Variants in SMIM13 observed in about 807,000 individuals in gnomAD.
The protein encoded by SMIM13 is UPF0766 protein C6orf228.
A neutral mutation model predicts 5.9 loss-of-function variants in SMIM13; 3 were observed. That is an observed-to-expected ratio of 0.51 (90% CI 0.23 to 1.31). The LOEUF (loss-of-function observed/expected upper bound fraction) is 1.31, where lower values mean the gene tolerates loss of function less well. SMIM13 is among the 40% of genes most tolerant of loss of function. SMIM13 has a pLI of 0.18. For synonymous variants in SMIM13, 55 were observed against 46.0 expected (o/e 1.19, Z -0.79); for missense variants, 85 against 109.9 (o/e 0.77, Z 1.01).
intron 1 of SMIM13, among the ~76,000 whole-genome samples, chr6:11,098,212 C>T (rs919928189): frequency 1.3e-5 from 2 of 152,188 alleles, no homozygotes; most frequent in Non-Finnish European, 2.9e-5. Flanking sequence ...AGGCAGGTTT[C>T]CCTTCTGTCT....
intron 1 of SMIM13, among the ~76,000 whole-genome samples, chr6:11,126,345 G>C (rs748487325): frequency 6.6e-6 from 1 of 152,190 alleles, no homozygotes; most frequent in Non-Finnish European, 1.5e-5. Flanking sequence ...ATGGCGCCCA[G>C]CCCTGGCTGC....
rs546716080 is a variant in SMIM13, at chr6:11,132,639, G to C, written c.77-1764G>C. On this transcript the variant is annotated intron_variant, in intron 1 of 1. Transcript: ENST00000416247. ...GCTTACAACACAATGGACACACCTTGGAAACATGGGCTGAGTTTGAAAAAC... is the reference window on the plus strand; with the variant it reads ...GCTTACAACACAATGGACACACCTTCGAAACATGGGCTGAGTTTGAAAAAC... 9.2e-5 allele frequency among the ~76,000 whole-genome samples: 14 copies of C among 152,260 alleles called. No homozygotes were observed. In the South Asian group the frequency reaches 2.7e-3, roughly 29 times the overall value.
chr6:11,098,350 C>T (rs1048324121), intron 1 of SMIM13, among the ~76,000 whole-genome samples: 7 of 152,204 alleles, frequency 4.6e-5, no homozygotes, highest in Admixed American at 1.3e-4. Flanking sequence ...CTGTGGTGGT[C>T]GCTTCTTAGT....
intron 1 of SMIM13, among the ~76,000 whole-genome samples, chr6:11,117,249 T>C (rs6927001): frequency 0.21 from 29,431 of 142,082 alleles, 3,414 homozygotes; most frequent in African/African-American, 0.3. Context: ...CTGCAAGCTC[T>C]GCCTCCCGGG....
At chr6:11,116,978 G>GCTTC (rs1758247101) in intron 1 of SMIM13, among the ~76,000 whole-genome samples, 1 of 67,710 alleles carries the variant, frequency 1.5e-5, no homozygotes, top group South Asian at 5.2e-4. Context: ...AATGATAATT[G>GCTTC]TTTCTTTTTT....
Position 11,137,078 on chromosome 6 carries a change from C to G in SMIM13, c.*2476C>G, listed in dbSNP as rs1758525943. ...CATGCCCAAATTAATACAGGTTAAC[C>G]TTTGTAGAGGTATATATGTTGGCAT... On this transcript the variant is annotated 3_prime_UTR_variant, in exon 2 of 2. Coordinates refer to ENST00000416247, the MANE Select transcript of SMIM13 (RefSeq NM_001135575.2). 6.6e-6 allele frequency: 1 copy of G among 151,986 alleles called. No individual in the cohort carries two copies. The highest frequency in any genetic ancestry group is 2.4e-5 in the African/African-American group (1 of 41,384). The allele number at this position is 151,986 out of a possible 1,614,324, so 9.4% of individuals were successfully genotyped here.
At chr6:11,130,351 A>G (rs994019266) in intron 1 of SMIM13, among the ~76,000 whole-genome samples, 2 of 151,970 alleles carry the variant, frequency 1.3e-5, no homozygotes, top group African/African-American at 4.8e-5. Context: ...GGGGAATTCC[A>G]TACCTCACAG....
At chr6:11,118,899 A>G (rs941580240) in intron 1 of SMIM13, among the ~76,000 whole-genome samples, 1 of 152,242 alleles carries the variant, frequency 6.6e-6, no homozygotes, top group Non-Finnish European at 1.5e-5. Context: ...AGAACAGGAA[A>G]CTGAAGCACA....
intron 1 of SMIM13, among the ~76,000 whole-genome samples, chr6:11,101,032 C>CTTTTT (rs200622017): frequency 3.1e-5 from 4 of 127,504 alleles, no homozygotes; most frequent in African/African-American, 5.8e-5. Context: ...TCTCCATTTT[C>CTTTTT]TTTTTTTTTT....
chr6:11,107,426 A>G (rs1329718422), intron 1 of SMIM13, among the ~76,000 whole-genome samples: 1 of 152,122 alleles, frequency 6.6e-6, no homozygotes, highest in Non-Finnish European at 1.5e-5. Flanking sequence ...TCATCCATGT[A>G]TTGTAGGAGA....
chr6:11,134,591 C>A lies in SMIM13; in HGVS notation c.265C>A (p.Pro89Thr), dbSNP rs1292196387. Residue 89 changes from proline to threonine, a missense_variant, in exon 2 of 2, where the codon CCC (proline) becomes ACC (threonine). Pro to Thr is a conservative substitution (Grantham distance 38, BLOSUM62 -1). Coordinates refer to ENST00000416247, the MANE Select transcript of SMIM13 (RefSeq NM_001135575.2). ...RRAPADEGHR[P>T]LT The stretch of plus-strand genomic sequence containing the variant: ...GGCACCTGCTGATGAAGGCCACAGA[C>A]CCCTGACATAGTCCTGTACTTGTGA... 6.5e-7 allele frequency: 1 copy of A among 1,546,994 alleles called. No homozygotes were observed. The highest frequency in any genetic ancestry group is 2.0e-5 in the Admixed American group (1 of 50,514).
At chr6:11,103,342 A>C (rs556543857) in intron 1 of SMIM13, 49 of 223,986 alleles carry the variant, frequency 2.2e-4, no homozygotes, top group African/African-American at 5.4e-4. Flanking sequence ...ATTATGTTAG[A>C]GACACAGCTT....
intron 1 of SMIM13, among the ~76,000 whole-genome samples, chr6:11,112,270 T>G (rs1206693380): frequency 1.3e-5 from 2 of 151,976 alleles, no homozygotes. Flanking sequence ...TTTTTTTTTT[T>G]GGAGACAGCC....
At chr6:11,098,401 A>C (rs1483763180) in intron 1 of SMIM13, among the ~76,000 whole-genome samples, 2 of 152,200 alleles carry the variant, frequency 1.3e-5, no homozygotes, top group Non-Finnish European at 2.9e-5. Flanking sequence ...CCTTACAGTT[A>C]AGTGATGTCT....
At chr6:11,123,963 A>G (rs1758344420) in intron 1 of SMIM13, among the ~76,000 whole-genome samples, 1 of 152,224 alleles carries the variant, frequency 6.6e-6, no homozygotes, top group African/African-American at 2.4e-5. Context: ...ATCAGGATAA[A>G]TGGGGTATTC....
At chr6:11,097,669 A>C (rs917168373) in intron 1 of SMIM13, among the ~76,000 whole-genome samples, 15 of 57,554 alleles carry the variant, frequency 2.6e-4, no homozygotes, top group African/African-American at 1.5e-3. Flanking sequence ...ACTCCGTTTC[A>C]AAAAAAAAAA....
intron 1 of SMIM13, among the ~76,000 whole-genome samples, chr6:11,117,312 C>T (rs1314768234): frequency 3.4e-5 from 5 of 147,404 alleles, no homozygotes; most frequent in African/African-American, 5.0e-5. Context: ...TACAGGCGCC[C>T]GCCACTACGC....
intron 1 of SMIM13, among the ~76,000 whole-genome samples, chr6:11,116,453 C>T (rs1341932236): frequency 6.6e-6 from 1 of 152,186 alleles, no homozygotes; most frequent in Admixed American, 6.5e-5. Flanking sequence ...GACATAATTT[C>T]TTTGTAAATG....
chr6:11,098,887 A>G (rs1757957559), intron 1 of SMIM13, among the ~76,000 whole-genome samples: 1 of 152,188 alleles, frequency 6.6e-6, no homozygotes, highest in African/African-American at 2.4e-5. Flanking sequence ...TAATATGTTC[A>G]TAAGTGTACA....
Sources: allele counts gnomAD v4.1 joint callset (sites outside exome capture counted in the v4.1 genomes callset), GRCh38; gene constraint gnomAD v4.1.1; transcripts MANE v1.5; gene names NCBI Gene and HGNC (gene_info 2026-07-23, HGNC 2026-07-21).